LRRIQ3: variants seen among roughly 807,000 people sequenced by gnomAD.
LRRIQ3 encodes leucine rich repeats and IQ motif containing 3.
In LRRIQ3, 75 loss-of-function variants were observed where a neutral mutation model predicts 59.3. The ratio of observed to expected loss-of-function variants is 1.26; its 90% confidence interval spans 1.05 to 1.53. The LOEUF is 1.53. LRRIQ3 is among the 40% of genes most tolerant of loss of function. The probability of loss-of-function intolerance (pLI) is 0.00; values close to 1 mark genes in which losing one functional copy is unlikely to be tolerated. For missense variants in LRRIQ3, 831 were observed against 710.0 expected, an observed-to-expected ratio of 1.17 and a Z score of -1.94; for synonymous variants, 250 against 231.3, an observed-to-expected ratio of 1.08 and a Z score of -0.73.
chr1:74,084,300 G>GCAAA, intron 5 of LRRIQ3: 1 of 1,369,768 alleles, frequency 7.3e-7, no homozygotes, highest in Non-Finnish European at 1.0e-6. Flanking sequence ...ACAATAATCA[G>GCAAA]CAAACATTAC....
chr1:74,137,958 G>C (rs954158816), intron 4 of LRRIQ3, among the ~76,000 whole-genome samples: 1 of 151,816 alleles, frequency 6.6e-6, no homozygotes, highest in South Asian at 2.1e-4. Context: ...GGGAGGGTAG[G>C]GAAGGGATAG....
At chr1:74,159,011 G>A (rs1648508063) in intron 3 of LRRIQ3, among the ~76,000 whole-genome samples, 1 of 152,038 alleles carries the variant, frequency 6.6e-6, no homozygotes, top group African/African-American at 2.4e-5. Flanking sequence ...GTTTTTCTCA[G>A]GGTAAAACAG....
At position 74,154,240 on chromosome 1, in the gene LRRIQ3, C is replaced by CAAAAA. The variant is rs71078186; in HGVS notation, c.707+1488_707+1492dup. ...TGGGCGACAGAGCGAGACTCCTTCT[C>CAAAAA]AAAAAAAAAAAAAAAAAAAAAAAAA... On this transcript the variant is annotated intron_variant, in intron 4 of 7. Transcript: ENST00000354431. Among the ~76,000 whole-genome samples the CAAAAA allele has an allele frequency of 5.4e-3, 312 of 57,276 alleles. 44 individuals carry two copies. The highest frequency in any genetic ancestry group is 8.4e-3 in the African/African-American group (115 of 13,732). 37.6% of individuals were successfully genotyped at this position (57,276 alleles called of 152,430 possible).
At chr1:74,114,604 C>T (rs11210416) in intron 4 of LRRIQ3, among the ~76,000 whole-genome samples, 19,588 of 151,634 alleles carry the variant, frequency 0.13, 1,703 homozygotes, top group African/African-American at 0.25. Context: ...GGCGTGGTGG[C>T]AGGCACCTGT....
intron 4 of LRRIQ3, among the ~76,000 whole-genome samples, chr1:74,147,263 A>C (rs1021001735): frequency 3.3e-5 from 5 of 152,128 alleles, no homozygotes; most frequent in Non-Finnish European, 7.3e-5. Flanking sequence ...AGAAAAATTA[A>C]AAAGCAAATT....
chr1:74,119,102 G>T (rs1646816215), intron 4 of LRRIQ3, among the ~76,000 whole-genome samples: 1 of 151,724 alleles, frequency 6.6e-6, no homozygotes, highest in East Asian at 2.0e-4. Context: ...ATTACAAATA[G>T]TATAACACTT....
chr1:74,100,495 T>C (rs1414439584), intron 5 of LRRIQ3, among the ~76,000 whole-genome samples: 1 of 152,160 alleles, frequency 6.6e-6, no homozygotes, highest in Non-Finnish European at 1.5e-5. Flanking sequence ...AGGTAATTTA[T>C]AGATTCAATG....
chr1:74,039,551 C>T (rs903277996), intron 7 of LRRIQ3, among the ~76,000 whole-genome samples: 16 of 152,084 alleles, frequency 1.1e-4, no homozygotes, highest in African/African-American at 3.9e-4. Context: ...GCCAAGTAAT[C>T]TACAAAGGGA....
Position 74,041,292 on chromosome 1 carries a change from C to G in LRRIQ3, c.1639G>C (p.Glu547Gln), listed in dbSNP as rs1199989013. 1.2e-6 allele frequency: 2 copies of G among 1,612,602 alleles called. No individual in the cohort carries two copies. Among genetic ancestry groups the G allele is most frequent in the Admixed American group, 3.3e-5 (2 of 59,840 alleles). Residue 547 changes from glutamate to glutamine, a missense_variant, in exon 7 of 8, where the codon GAG becomes CAG. Coordinates refer to ENST00000354431, the MANE Select transcript of LRRIQ3 (RefSeq NM_001105659.2). Reference protein sequence around the residue: ...RLEKNEAVLKEKSLIVKQKLK... With the variant: ...RLEKNEAVLKQKSLIVKQKLK... The stretch of plus-strand genomic sequence containing the variant: ...TTTTGCTTAACAATCAGGCTTTTCT[C>G]TTTTAGGACAGCCTCATTCTTCTCC...
At chr1:74,069,726 T>C (rs1446728580) in intron 6 of LRRIQ3, among the ~76,000 whole-genome samples, 3 of 151,992 alleles carry the variant, frequency 2.0e-5, no homozygotes, top group Admixed American at 6.6e-5. Context: ...AAGCTACAAG[T>C]AGGTGCATGG....
chr1:74,107,801 T>A (rs1048580273), intron 5 of LRRIQ3, among the ~76,000 whole-genome samples: 2 of 151,388 alleles, frequency 1.3e-5, no homozygotes, highest in Non-Finnish European at 1.5e-5. Context: ...ATTCTATGAA[T>A]GGTGGTTATA....
chr1:74,144,343 T>C (rs1332596284), intron 4 of LRRIQ3: 1 of 215,362 alleles, frequency 4.6e-6, no homozygotes, highest in African/African-American at 2.4e-5. Context: ...AAGTTAGTTA[T>C]CATATAGAAA....
chr1:74,150,609 T>C (rs1373373907), intron 4 of LRRIQ3, among the ~76,000 whole-genome samples: 1 of 152,144 alleles, frequency 6.6e-6, no homozygotes, highest in Non-Finnish European at 1.5e-5. Flanking sequence ...CCTAGTTTAT[T>C]ATAGCCCTAG....
At chr1:74,177,048 T>C (rs956271730) in intron 3 of LRRIQ3, among the ~76,000 whole-genome samples, 3 of 152,238 alleles carry the variant, frequency 2.0e-5, no homozygotes, top group African/African-American at 7.2e-5. Context: ...AGTCTTGCTA[T>C]GTTGATCCTT....
At chr1:74,174,625 C>T (rs1285541292) in intron 3 of LRRIQ3, among the ~76,000 whole-genome samples, 5 of 150,874 alleles carry the variant, frequency 3.3e-5, no homozygotes, top group Non-Finnish European at 7.4e-5. Context: ...AACTTCTGAC[C>T]TTGGGTGATC....
chr1:74,137,569 T>G (rs2100627405), intron 4 of LRRIQ3, among the ~76,000 whole-genome samples: 1 of 152,088 alleles, frequency 6.6e-6, no homozygotes, highest in South Asian at 2.1e-4. Context: ...GAAATACCAT[T>G]TGACCCAGCA....
chr1:74,185,450 G>T (rs561916685), intron 1 of LRRIQ3, among the ~76,000 whole-genome samples: 2 of 152,016 alleles, frequency 1.3e-5, no homozygotes, highest in Non-Finnish European at 2.9e-5. Flanking sequence ...ATCTTCCTTG[G>T]TGAGTTATCT....
chr1:74,100,481 C>A (rs146901088), intron 5 of LRRIQ3, among the ~76,000 whole-genome samples: 3,738 of 152,158 alleles, frequency 0.025, 144 homozygotes, highest in African/African-American at 0.085. Flanking sequence ...GGCCATATTG[C>A]CCAAGGTAAT....
intron 5 of LRRIQ3, among the ~76,000 whole-genome samples, chr1:74,089,579 G>A (rs899839024): frequency 6.6e-5 from 10 of 152,038 alleles, no homozygotes; most frequent in Admixed American, 2.6e-4. Context: ...CTAAGTGGAA[G>A]TAGCCAGACA....
Sources: gnomAD v4.1 joint callset for allele counts (sites outside exome capture counted in the v4.1 genomes callset) on GRCh38, gnomAD v4.1.1 for gene constraint, MANE v1.5 for transcripts, NCBI Gene and HGNC (gene_info 2026-07-23, HGNC 2026-07-21) for gene names.